MAN1C1: variants seen among roughly 807,000 people sequenced by gnomAD.
The protein encoded by MAN1C1 is mannosidase alpha class 1C member 1.
Under a neutral mutation model 71.5 loss-of-function variants are expected in MAN1C1, and 49 were observed. The observed-to-expected ratio is 0.69, with a 90% CI of 0.54 to 0.87. The LOEUF is 0.87. Ranked by LOEUF, MAN1C1 falls within the 40% of genes least tolerant of loss-of-function variation. The pLI is 0.00. For synonymous variants in MAN1C1, 352 were observed against 343.7 expected (o/e 1.02, Z -0.27); for missense variants, 743 against 835.0 (o/e 0.89, Z 1.36).
Position 25,759,029 on chromosome 1 carries a change from A to G in MAN1C1, c.1047+320A>G, listed in dbSNP as rs545877926. ...ATATGTGAAATCTGGAGAAAGTGCA[A>G]CTGAAATCTAGGCACCACCTTGCAT... On this transcript the variant is annotated intron_variant, in intron 6 of 11. Transcript: ENST00000374332. The G allele has an allele frequency of 6.6e-3, 1,861 of 280,930 alleles. 19 individuals are homozygous for G. The highest frequency in any genetic ancestry group is 0.018 in the South Asian group (306 of 16,922). 17.4% of individuals were successfully genotyped at this position (280,930 alleles called of 1,614,324 possible). A position where few individuals can be genotyped will look rare whatever the true frequency, so the allele number is the denominator to read the frequency against.
intron 1 of MAN1C1, among the ~76,000 whole-genome samples, chr1:25,653,321 C>T (rs1161768084): frequency 6.6e-6 from 1 of 152,192 alleles, no homozygotes. Context: ...TCAAGTGATC[C>T]TTCTGCCTCA....
intron 1 of MAN1C1, among the ~76,000 whole-genome samples, chr1:25,638,915 T>C (rs2045500875): frequency 6.6e-6 from 1 of 152,142 alleles, no homozygotes; most frequent in Admixed American, 6.5e-5. Flanking sequence ...TTTTCATCAG[T>C]TTGGAAAAAG....
At chr1:25,677,063 CTT>C (rs2046079465) in intron 1 of MAN1C1, among the ~76,000 whole-genome samples, 1 of 152,180 alleles carries the variant, frequency 6.6e-6, no homozygotes, top group African/African-American at 2.4e-5. Flanking sequence ...GGAGAGAACT[CTT>C]GAGCTCTGAG....
intron 4 of MAN1C1, among the ~76,000 whole-genome samples, chr1:25,751,842 A>G (rs1220104764): frequency 6.6e-6 from 1 of 152,118 alleles, no homozygotes; most frequent in Non-Finnish European, 1.5e-5. Context: ...CCTTTGTGCT[A>G]TGGGCCTGGG....
At chr1:25,623,078 C>G (rs1329451772) in intron 1 of MAN1C1, among the ~76,000 whole-genome samples, 1 of 152,214 alleles carries the variant, frequency 6.6e-6, no homozygotes, top group South Asian at 2.1e-4. Context: ...GCCCTTCAGT[C>G]TCTTCCGTTT....
intron 1 of MAN1C1, among the ~76,000 whole-genome samples, chr1:25,681,226 CAA>C (rs59356271): frequency 2.3e-4 from 24 of 106,522 alleles, no homozygotes; most frequent in Non-Finnish European, 2.4e-4. Context: ...TACTCCGTCT[CAA>C]AAAAAAAAAA....
chr1:25,690,452 C>A (rs1190681755), intron 2 of MAN1C1, among the ~76,000 whole-genome samples: 1 of 152,130 alleles, frequency 6.6e-6, no homozygotes, highest in Non-Finnish European at 1.5e-5. Flanking sequence ...GCCACCACGT[C>A]CGGCTAATTT....
intron 1 of MAN1C1, among the ~76,000 whole-genome samples, chr1:25,675,885 G>T (rs920043803): frequency 2.6e-5 from 4 of 152,190 alleles, no homozygotes; most frequent in Non-Finnish European, 5.9e-5. Context: ...ACTTACAGGG[G>T]TTAAGTCACT....
At chr1:25,720,071 A>T (rs182986886) in intron 2 of MAN1C1, among the ~76,000 whole-genome samples, 125 of 152,294 alleles carry the variant, frequency 8.2e-4, no homozygotes, top group African/African-American at 3.0e-3. Flanking sequence ...GGCACGAGCC[A>T]CAGTGCCTGG....
chr1:25,672,205 AAG>A (rs760005706), intron 1 of MAN1C1, among the ~76,000 whole-genome samples: 24 of 150,182 alleles, frequency 1.6e-4, no homozygotes, highest in Admixed American at 3.3e-4. Flanking sequence ...CTAGCTCCAG[AAG>A]AGAGAGAGAG....
intron 1 of MAN1C1, among the ~76,000 whole-genome samples, chr1:25,651,684 C>A (rs2045694938): frequency 2.0e-5 from 3 of 152,214 alleles, no homozygotes; most frequent in African/African-American, 7.2e-5. Flanking sequence ...TCTGTAACCA[C>A]ACGCGGGTCT....
chr1:25,759,459 T>C (rs2047332918), intron 6 of MAN1C1: 1 of 152,398 alleles, frequency 6.6e-6, no homozygotes. Context: ...CAAGGAGAAC[T>C]CTGTGGCAGT....
chr1:25,683,900 C>T (rs941478196), intron 1 of MAN1C1, among the ~76,000 whole-genome samples: 2 of 152,170 alleles, frequency 1.3e-5, no homozygotes, highest in Non-Finnish European at 2.9e-5. Context: ...GCTCTGATTG[C>T]CTTGTGAATT....
chr1:25,668,908 G>A (rs2982312), intron 1 of MAN1C1, among the ~76,000 whole-genome samples: 34,475 of 152,036 alleles, frequency 0.23, 3,985 homozygotes, highest in East Asian at 0.37. Flanking sequence ...AAACCTGATG[G>A]TTTCCTCCTT....
intron 7 of MAN1C1, among the ~76,000 whole-genome samples, chr1:25,767,047 A>C (rs2047436906): frequency 6.6e-6 from 1 of 151,848 alleles, no homozygotes. Flanking sequence ...CAAGGCCCAG[A>C]GTGGGCAGGG....
intron 1 of MAN1C1, among the ~76,000 whole-genome samples, chr1:25,674,276 A>G (rs1211244098): frequency 6.6e-6 from 1 of 152,184 alleles, no homozygotes; most frequent in Non-Finnish European, 1.5e-5. Context: ...CTTCTGTCCC[A>G]GGCATCCTCC....
chr1:25,718,446 T>G (rs1170823005), intron 2 of MAN1C1, among the ~76,000 whole-genome samples: 2 of 152,242 alleles, frequency 1.3e-5, no homozygotes, highest in Non-Finnish European at 2.9e-5. Flanking sequence ...ATAATTTTGT[T>G]GACACATAAT....
intron 2 of MAN1C1, among the ~76,000 whole-genome samples, chr1:25,719,850 C>T (rs1249058254): frequency 6.6e-6 from 1 of 152,122 alleles, no homozygotes; most frequent in Non-Finnish European, 1.5e-5. Flanking sequence ...GTGGCGCAAT[C>T]CTGGCTTAGT....
At chr1:25,629,191 T>C (rs2045343927) in intron 1 of MAN1C1, among the ~76,000 whole-genome samples, 1 of 152,238 alleles carries the variant, frequency 6.6e-6, no homozygotes, top group African/African-American at 2.4e-5. Context: ...ATAGAGGCTG[T>C]ACTAATTTAC....
Sources: allele counts gnomAD v4.1 joint callset (sites outside exome capture counted in the v4.1 genomes callset), GRCh38; gene constraint gnomAD v4.1.1; transcripts MANE v1.5; gene names NCBI Gene and HGNC (gene_info 2026-07-23, HGNC 2026-07-21).